LYPD6B: variants seen among roughly 807,000 people sequenced by gnomAD.
The protein encoded by LYPD6B is ly6/PLAUR domain-containing protein 6B.
A neutral mutation model predicts 22.8 loss-of-function variants in LYPD6B; 17 were observed. That is an observed-to-expected ratio of 0.75 (90% CI 0.51 to 1.12). LYPD6B has a LOEUF of 1.12. LYPD6B is among the 50% of genes most tolerant of loss of function. LYPD6B has a pLI of 0.00. For synonymous variants in LYPD6B, 106 were observed against 91.6 expected (o/e 1.16, Z -0.90); for missense variants, 221 against 258.3 (o/e 0.86, Z 0.99).
intron 1 of LYPD6B, among the ~76,000 whole-genome samples, chr2:149,071,447 C>A (rs374275775): frequency 3.3e-5 from 5 of 152,100 alleles, no homozygotes; most frequent in Admixed American, 3.3e-4. Context: ...TTGTATCAAT[C>A]GGTTGTCAAA....
At chr2:149,052,042 C>T (rs1018504850) in intron 1 of LYPD6B, among the ~76,000 whole-genome samples, 1 of 151,944 alleles carries the variant, frequency 6.6e-6, no homozygotes, top group Non-Finnish European at 1.5e-5. Context: ...TTCTCCTAAG[C>T]CTCATACAAT....
At chr2:149,158,451 A>G (rs537002630) in intron 2 of LYPD6B, among the ~76,000 whole-genome samples, 1 of 152,336 alleles carries the variant, frequency 6.6e-6, no homozygotes, top group Admixed American at 6.5e-5. Flanking sequence ...TTCCATTTAT[A>G]TGACGTACCT....
intron 1 of LYPD6B, among the ~76,000 whole-genome samples, chr2:149,091,308 T>C (rs1685639357): frequency 6.6e-6 from 1 of 151,000 alleles, no homozygotes; most frequent in South Asian, 2.1e-4. Flanking sequence ...TGTGTAAAGA[T>C]TACATAAAAT....
intron 1 of LYPD6B, among the ~76,000 whole-genome samples, chr2:149,123,271 A>G (rs1317016058): frequency 2.6e-4 from 40 of 152,296 alleles, no homozygotes; most frequent in Admixed American, 2.5e-3. Context: ...CTTAACTTGA[A>G]TGCTATTGGC....
At chr2:149,120,976 G>A (rs1687316842) in intron 1 of LYPD6B, among the ~76,000 whole-genome samples, 1 of 151,690 alleles carries the variant, frequency 6.6e-6, no homozygotes, top group African/African-American at 2.4e-5. Context: ...ATTTTCAGTA[G>A]AGACAGGGTT....
intron 5 of LYPD6B, among the ~76,000 whole-genome samples, chr2:149,210,987 AT>A (rs1430023655): frequency 6.6e-6 from 1 of 152,244 alleles, no homozygotes; most frequent in Non-Finnish European, 1.5e-5. Context: ...TTCAGGAAGC[AT>A]GATGCTGGCG....
chr2:149,047,027 G>A (rs1439920784), intron 1 of LYPD6B, among the ~76,000 whole-genome samples: 1 of 152,128 alleles, frequency 6.6e-6, no homozygotes, highest in Admixed American at 6.5e-5. Flanking sequence ...AACAGACCAG[G>A]GGCTAGGTTT....
chr2:149,039,821 G>C (rs4667364), intron 1 of LYPD6B, among the ~76,000 whole-genome samples: 1 of 152,130 alleles, frequency 6.6e-6, no homozygotes. Flanking sequence ...GCCAGTGCAC[G>C]GGCCCTGCAG....
chr2:149,152,238 T>C (rs1011983111), intron 2 of LYPD6B, among the ~76,000 whole-genome samples: 31 of 152,232 alleles, frequency 2.0e-4, no homozygotes, highest in Non-Finnish European at 3.4e-4. Context: ...ACAAGGATTG[T>C]ATTATTCACC....
At chr2:149,085,739 A>C (rs905028422) in intron 1 of LYPD6B, among the ~76,000 whole-genome samples, 3 of 152,354 alleles carry the variant, frequency 2.0e-5, no homozygotes, top group Admixed American at 1.3e-4. Flanking sequence ...ATATTGCTAA[A>C]GTGAAGAGGA....
chr2:149,205,816 A>G (rs1164205923), intron 4 of LYPD6B, among the ~76,000 whole-genome samples: 1 of 152,184 alleles, frequency 6.6e-6, no homozygotes, highest in Non-Finnish European at 1.5e-5. Context: ...TGAAATTTGG[A>G]GGGAAATATC....
chr2:149,154,347 C>T (rs1273441821), intron 2 of LYPD6B, among the ~76,000 whole-genome samples: 4 of 152,044 alleles, frequency 2.6e-5, no homozygotes, highest in African/African-American at 9.7e-5. Flanking sequence ...GCTAGAACTA[C>T]CAGAAACTAG....
chr2:149,206,664 G>C lies in LYPD6B; in HGVS notation c.229+1260G>C, dbSNP rs183462175. Among the ~76,000 whole-genome samples, 345 of 152,090 alleles carry C rather than the reference G, an allele frequency of 2.3e-3. 3 individuals carry two copies. Among genetic ancestry groups the C allele is most frequent in the African/African-American group, 7.8e-3 (323 of 41,530 alleles). On this transcript the variant is annotated intron_variant, in intron 4 of 6. Coordinates refer to ENST00000409642, the MANE Select transcript of LYPD6B (RefSeq NM_177964.5). The stretch of plus-strand genomic sequence containing the variant: ...ATTCCAAAGAGACGGAAAACATATA[G>C]AAGAAAATAAAATTCATTCATAACC...
At chr2:149,094,569 C>T (rs1248607228) in intron 1 of LYPD6B, among the ~76,000 whole-genome samples, 1 of 152,194 alleles carries the variant, frequency 6.6e-6, no homozygotes, top group African/African-American at 2.4e-5. Flanking sequence ...AGTAATTATG[C>T]ATTTCCTGTA....
chr2:149,105,465 T>C (rs1048997849), intron 1 of LYPD6B, among the ~76,000 whole-genome samples: 5 of 152,342 alleles, frequency 3.3e-5, no homozygotes, highest in Non-Finnish European at 7.4e-5. Flanking sequence ...TCAGCATTTA[T>C]TTAAGTTTTC....
chr2:149,166,168 C>T (rs1254141819), intron 3 of LYPD6B, among the ~76,000 whole-genome samples: 3 of 151,868 alleles, frequency 2.0e-5, no homozygotes, highest in African/African-American at 7.3e-5. Context: ...GACTTAGCCT[C>T]AAAGAAAAAA....
intron 2 of LYPD6B, among the ~76,000 whole-genome samples, chr2:149,138,157 C>T (rs1318274486): frequency 6.6e-6 from 1 of 152,148 alleles, no homozygotes; most frequent in African/African-American, 2.4e-5. Context: ...ATTATGTTCT[C>T]TTTTCTACTC....
chr2:149,137,254 C>T (rs1054692980), intron 2 of LYPD6B, among the ~76,000 whole-genome samples: 6 of 152,110 alleles, frequency 3.9e-5, no homozygotes, highest in Non-Finnish European at 8.8e-5. Flanking sequence ...ATATCAAAGC[C>T]ATGATTGAAT....
intron 1 of LYPD6B, among the ~76,000 whole-genome samples, chr2:149,074,680 C>T (rs1231284012): frequency 1.3e-5 from 2 of 152,192 alleles, no homozygotes; most frequent in African/African-American, 4.8e-5. Context: ...GGGAGGTTCC[C>T]TCTTTGAAGA....
Sources: allele counts gnomAD v4.1 joint callset (sites outside exome capture counted in the v4.1 genomes callset), GRCh38; gene constraint gnomAD v4.1.1; transcripts MANE v1.5; gene names NCBI Gene and HGNC (gene_info 2026-07-23, HGNC 2026-07-21).